PCDH11Y: variants seen among roughly 807,000 people sequenced by gnomAD.
PCDH11Y encodes the protein protocadherin 11 Y-linked.
For missense variants in PCDH11Y, 12 were observed against 224.8 expected (o/e 0.05, Z 6.05); for synonymous variants, 9 against 83.6 (o/e 0.11, Z 4.87).
chrY:5,377,452 T>A lies in PCDH11Y; in HGVS notation c.3130-123605T>A, dbSNP rs1306092154. ...AACACTTCTTGATTACTTGGAGCAC[T>A]AAACTTGTTCATATGGTGAAAGGAA... On this transcript the variant is annotated intron_variant, in intron 2 of 4. Transcript: ENST00000400457. 2.7e-3 allele frequency among the ~76,000 whole-genome samples: 91 copies of A among 33,851 alleles called. No individual in the cohort carries two copies. The East Asian group carries it at 0.069, about 25-fold the overall frequency. The allele number at this position is 33,851 out of a possible 37,273, so 90.8% of individuals were successfully genotyped here.
chrY:5,646,525 G>A, intron 4 of PCDH11Y, among the ~76,000 whole-genome samples: 1 of 32,416 alleles, frequency 3.1e-5, no homozygotes, highest in East Asian at 8.1e-4. Context: ...AAGGATAAAT[G>A]CTTGAGGGGA....
At chrY:5,613,255 C>A in intron 4 of PCDH11Y, among the ~76,000 whole-genome samples, 4 of 29,755 alleles carry the variant, frequency 1.3e-4, no homozygotes, top group African/African-American at 5.4e-4. Flanking sequence ...TGATGTAATG[C>A]AAAGGAAAAT....
At chrY:5,724,818 T>C in intron 4 of PCDH11Y, among the ~76,000 whole-genome samples, 1 of 33,675 alleles carries the variant, frequency 3.0e-5, no homozygotes, top group African/African-American at 1.1e-4. Context: ...AAGTCCTTCT[T>C]ATCTTCTAAA....
intron 2 of PCDH11Y, among the ~76,000 whole-genome samples, chrY:5,492,732 A>C (rs2053340109): frequency 1.0e-3 from 29 of 28,064 alleles, no homozygotes; most frequent in African/African-American, 4.1e-3. Context: ...CACACTGGTG[A>C]ATATTATTAC....
At chrY:5,716,651 A>G in intron 4 of PCDH11Y, among the ~76,000 whole-genome samples, 3 of 33,428 alleles carry the variant, frequency 9.0e-5, no homozygotes, top group Non-Finnish European at 1.5e-4. Context: ...TTAAATGTCC[A>G]TATTACACAA....
intron 4 of PCDH11Y, among the ~76,000 whole-genome samples, chrY:5,618,949 G>A (rs2053497170): frequency 6.5e-5 from 2 of 30,905 alleles, no homozygotes; most frequent in Non-Finnish European, 7.7e-5. Context: ...CGAGGCTGCA[G>A]TGAGCCATGA....
intron 2 of PCDH11Y, among the ~76,000 whole-genome samples, chrY:5,356,181 CA>C (rs2053165825): frequency 3.0e-5 from 1 of 33,346 alleles, no homozygotes; most frequent in African/African-American, 1.2e-4. Context: ...CTCAAAATTA[CA>C]AAGTTTTCCA....
intron 3 of PCDH11Y, among the ~76,000 whole-genome samples, chrY:5,535,905 T>C: frequency 3.1e-5 from 1 of 32,480 alleles, no homozygotes; most frequent in Non-Finnish European, 7.6e-5. Context: ...ATTTTTTTTA[T>C]TTTTTATTTT....
At chrY:5,185,380 G>A (rs1602882317) in intron 2 of PCDH11Y, among the ~76,000 whole-genome samples, 1 of 32,931 alleles carries the variant, frequency 3.0e-5, no homozygotes, top group East Asian at 8.1e-4. Context: ...CACCTGGCCA[G>A]GTTTCAGGTC....
At chrY:5,341,131 G>A in intron 2 of PCDH11Y, among the ~76,000 whole-genome samples, 2 of 33,777 alleles carry the variant, frequency 5.9e-5, no homozygotes, top group Non-Finnish European at 7.3e-5. Flanking sequence ...TTTGGAGACA[G>A]GTTCTCCCTC....
chrY:5,220,880 A>G (rs2052953863), intron 2 of PCDH11Y, among the ~76,000 whole-genome samples: 16 of 29,219 alleles, frequency 5.5e-4, no homozygotes, highest in African/African-American at 2.2e-3. Context: ...CACCATGCCC[A>G]GCTAATTTTT....
At chrY:5,266,431 G>A (rs2124658815) in intron 2 of PCDH11Y, among the ~76,000 whole-genome samples, 8 of 32,043 alleles carry the variant, frequency 2.5e-4, no homozygotes, top group Admixed American at 2.0e-3. Context: ...CTACTCAGGG[G>A]GCTGAAGCAG....
chrY:5,318,552 A>G (rs2053109400), intron 2 of PCDH11Y, among the ~76,000 whole-genome samples: 2 of 33,474 alleles, frequency 6.0e-5, no homozygotes, highest in Admixed American at 5.6e-4. Context: ...TACAAATTTA[A>G]TATGCATTTA....
At chrY:5,251,058 TA>T (rs2053003679) in intron 2 of PCDH11Y, among the ~76,000 whole-genome samples, 1 of 33,245 alleles carries the variant, frequency 3.0e-5, no homozygotes, top group Non-Finnish European at 7.5e-5. Context: ...ACATTTCCCA[TA>T]AGACTCAAGG....
intron 4 of PCDH11Y, among the ~76,000 whole-genome samples, chrY:5,590,164 C>A (rs2053459616): frequency 1.2e-4 from 4 of 32,610 alleles, no homozygotes. Context: ...GACACAAGCA[C>A]CTCTGTGACC....
intron 2 of PCDH11Y, among the ~76,000 whole-genome samples, chrY:5,446,867 A>ACAG (rs2053288001): frequency 3.0e-5 from 1 of 33,433 alleles, no homozygotes; most frequent in African/African-American, 1.2e-4. Flanking sequence ...AGTTACTAAA[A>ACAG]CAGCAGCAGC....
At chrY:5,706,686 T>C (rs2053583173) in intron 4 of PCDH11Y, among the ~76,000 whole-genome samples, 1 of 32,676 alleles carries the variant, frequency 3.1e-5, no homozygotes, top group Non-Finnish European at 7.6e-5. Context: ...GTGATCTTTA[T>C]TGAATTGTGC....
chrY:5,505,150 G>A, intron 3 of PCDH11Y, among the ~76,000 whole-genome samples: 1 of 32,739 alleles, frequency 3.1e-5, no homozygotes, highest in African/African-American at 1.2e-4. Context: ...AGCTTCATTG[G>A]AAGAAATAAA....
chrY:5,349,127 T>TA (rs2053155233), intron 2 of PCDH11Y, among the ~76,000 whole-genome samples: 8 of 27,439 alleles, frequency 2.9e-4, no homozygotes, highest in South Asian at 1.7e-3. Context: ...AAACTCCATT[T>TA]AAAAAAAAAA....
Sources: allele counts gnomAD v4.1 joint callset (sites outside exome capture counted in the v4.1 genomes callset), GRCh38; gene constraint gnomAD v4.1.1; transcripts MANE v1.5; gene names NCBI Gene and HGNC (gene_info 2026-07-23, HGNC 2026-07-21).